Variants in THADA observed in about 807,000 individuals in gnomAD.
THADA encodes tRNA (32-2'-O)-methyltransferase regulator THADA.
In THADA, 213 loss-of-function variants were observed where a neutral mutation model predicts 219.8. That is an observed-to-expected ratio of 0.97 (90% confidence interval 0.87 to 1.09). The LOEUF (loss-of-function observed/expected upper bound fraction) is 1.09. Among genes scored for constraint, THADA ranks in the 50% least tolerant of loss-of-function variants. THADA has a pLI of 0.00. For synonymous variants in THADA, 1,018 were observed against 828.9 expected (o/e 1.23, Z -3.92); for missense variants, 2,956 against 2,311.3 (o/e 1.28, Z -5.72).
At chr2:43,297,224 G>A (rs1457283408) in intron 31 of THADA, among the ~76,000 whole-genome samples, 2 of 96,544 alleles carry the variant, frequency 2.1e-5, no homozygotes, top group African/African-American at 4.8e-5. Flanking sequence ...GCCTCTGCCC[G>A]GCCGAGACCC....
intron 17 of THADA, among the ~76,000 whole-genome samples, chr2:43,555,033 A>G (rs1235825892): frequency 1.3e-5 from 2 of 152,032 alleles, no homozygotes; most frequent in Non-Finnish European, 2.9e-5. Context: ...GTGTTGGATT[A>G]CGGATGCTCA....
chr2:43,334,157 C>T (rs1222055203), intron 30 of THADA, among the ~76,000 whole-genome samples: 1 of 152,116 alleles, frequency 6.6e-6, no homozygotes, highest in Non-Finnish European at 1.5e-5. Context: ...GCACACCACT[C>T]AGCTCAGTGG....
intron 28 of THADA, among the ~76,000 whole-genome samples, chr2:43,411,655 T>C (rs1676319354): frequency 6.6e-6 from 1 of 152,200 alleles, no homozygotes; most frequent in South Asian, 2.1e-4. Flanking sequence ...ATATTCCAAA[T>C]GAATGCACAA....
At chr2:43,428,913 A>G (rs1678866514) in intron 27 of THADA, among the ~76,000 whole-genome samples, 1 of 152,222 alleles carries the variant, frequency 6.6e-6, no homozygotes, top group African/African-American at 2.4e-5. Flanking sequence ...TAAAGGCCAG[A>G]AAAGCACATT....
intron 21 of THADA, among the ~76,000 whole-genome samples, chr2:43,533,999 G>C (rs973201489): frequency 6.6e-6 from 1 of 152,094 alleles, no homozygotes; most frequent in African/African-American, 2.4e-5. Context: ...ATAGAGTTTA[G>C]TAATATGGAT....
intron 36 of THADA, among the ~76,000 whole-genome samples, chr2:43,276,544 G>A (rs1417252389): frequency 6.6e-6 from 1 of 152,186 alleles, no homozygotes; most frequent in Admixed American, 6.5e-5. Context: ...TGCATTTAAT[G>A]CTTGCCTATT....
intron 30 of THADA, among the ~76,000 whole-genome samples, chr2:43,339,092 C>A (rs936372941): frequency 2.0e-5 from 3 of 152,132 alleles, no homozygotes; most frequent in African/African-American, 7.2e-5. Flanking sequence ...TTACATACAA[C>A]TCTTAACCAA....
At chr2:43,424,685 G>C (rs1464958327) in intron 28 of THADA, among the ~76,000 whole-genome samples, 1 of 152,196 alleles carries the variant, frequency 6.6e-6, no homozygotes, top group Admixed American at 6.5e-5. Context: ...CACCTCGCCA[G>C]TGAACATTTT....
chr2:43,503,138 C>T (rs1258672391), intron 24 of THADA, among the ~76,000 whole-genome samples: 1 of 152,044 alleles, frequency 6.6e-6, no homozygotes, highest in Non-Finnish European at 1.5e-5. Context: ...ATTAGTTCAA[C>T]CACTTTGGAG....
chr2:43,431,378 C>A (rs1455026056), intron 26 of THADA, among the ~76,000 whole-genome samples: 1 of 152,150 alleles, frequency 6.6e-6, no homozygotes, highest in East Asian at 1.9e-4. Context: ...CAAACTCCCG[C>A]CCCACAAAGG....
chr2:43,555,576 G>A (rs1054583466), intron 17 of THADA, among the ~76,000 whole-genome samples: 1 of 152,028 alleles, frequency 6.6e-6, no homozygotes, highest in Non-Finnish European at 1.5e-5. Context: ...TTGAAATCCA[G>A]CTATGAAGCA....
intron 29 of THADA, among the ~76,000 whole-genome samples, chr2:43,362,604 T>G (rs1669659933): frequency 1.3e-5 from 2 of 152,136 alleles, no homozygotes; most frequent in Non-Finnish European, 2.9e-5. Flanking sequence ...GAGTGAGTGG[T>G]GAGTGAATGT....
intron 29 of THADA, among the ~76,000 whole-genome samples, chr2:43,347,265 G>A (rs534996320): frequency 8.1e-4 from 123 of 152,282 alleles, no homozygotes; most frequent in African/African-American, 2.8e-3. Context: ...TTGTAGGACT[G>A]TAGAGAGATT....
intron 36 of THADA, among the ~76,000 whole-genome samples, chr2:43,262,969 T>G (rs1489185449): frequency 6.6e-6 from 1 of 152,220 alleles, no homozygotes; most frequent in East Asian, 1.9e-4. Context: ...CATCTCCCAC[T>G]TTCCTCCTTA....
At chr2:43,573,616 G>C (rs559367526) in intron 11 of THADA, among the ~76,000 whole-genome samples, 202 of 152,250 alleles carry the variant, frequency 1.3e-3, no homozygotes, top group Middle Eastern at 3.4e-3. Flanking sequence ...TTGCATACAG[G>C]AATCAAATTT....
intron 26 of THADA, among the ~76,000 whole-genome samples, chr2:43,479,440 T>C (rs1030867529): frequency 6.6e-6 from 1 of 152,072 alleles, no homozygotes; most frequent in African/African-American, 2.4e-5. Context: ...AAACAAATAA[T>C]AATAATGGTT....
chr2:43,515,745 C>A (rs1029006544), intron 22 of THADA, among the ~76,000 whole-genome samples: 2 of 151,972 alleles, frequency 1.3e-5, no homozygotes, highest in African/African-American at 4.8e-5. Flanking sequence ...CGTTAAAGTA[C>A]ATTCAAAAGC....
At chr2:43,470,350 C>T (rs1036029619) in intron 26 of THADA, among the ~76,000 whole-genome samples, 5 of 151,864 alleles carry the variant, frequency 3.3e-5, no homozygotes, top group African/African-American at 1.2e-4. Flanking sequence ...CACATTAAAA[C>T]ATTTTATACG....
intron 26 of THADA, among the ~76,000 whole-genome samples, chr2:43,457,924 GA>G (rs977311705): frequency 1.1e-4 from 16 of 147,872 alleles, no homozygotes; most frequent in African/African-American, 3.7e-4. Context: ...GATGAGAAAG[GA>G]AAAAAAAAAT....
Sources: gnomAD v4.1 joint callset for allele counts (sites outside exome capture counted in the v4.1 genomes callset) on GRCh38, gnomAD v4.1.1 for gene constraint, MANE v1.5 for transcripts, NCBI Gene and HGNC (gene_info 2026-07-23, HGNC 2026-07-21) for gene names.